Variants in DZANK1 observed in about 807,000 individuals in gnomAD.
The protein encoded by DZANK1 is double zinc ribbon and ankyrin repeat-containing protein 1.
A neutral mutation model predicts 94.5 loss-of-function variants in DZANK1; 91 were observed. The ratio of observed to expected loss-of-function variants is 0.96; its 90% confidence interval spans 0.81 to 1.15. DZANK1 has a LOEUF of 1.15. Among genes scored for constraint, DZANK1 ranks in the 50% most tolerant of loss-of-function variants. The pLI is 0.00. For synonymous variants in DZANK1, 312 were observed against 325.3 expected (o/e 0.96, Z 0.44); for missense variants, 903 against 916.4 (o/e 0.99, Z 0.19).
At chr20:18,454,677 A>G (rs1366423410) in intron 4 of DZANK1, 1 of 154,908 alleles carries the variant, frequency 6.5e-6, no homozygotes, top group Non-Finnish European at 1.4e-5. Context: ...GAGGACTTCT[A>G]CTTAATGCAT....
intron 7 of DZANK1, among the ~76,000 whole-genome samples, chr20:18,446,696 A>G (rs760229063): frequency 1.3e-5 from 2 of 152,214 alleles, no homozygotes; most frequent in Non-Finnish European, 2.9e-5. Flanking sequence ...ATCTTCCTGA[A>G]AAAAAATCTT....
intron 9 of DZANK1, among the ~76,000 whole-genome samples, chr20:18,427,670 G>T (rs1258595222): frequency 6.6e-6 from 1 of 151,858 alleles, no homozygotes; most frequent in Non-Finnish European, 1.5e-5. Flanking sequence ...ACACTGAGTA[G>T]ACGTTCCATT....
intron 3 of DZANK1, among the ~76,000 whole-genome samples, chr20:18,457,275 G>A (rs757559647): frequency 6.6e-6 from 1 of 152,136 alleles, no homozygotes; most frequent in Non-Finnish European, 1.5e-5. Flanking sequence ...AGGAGTTCAC[G>A]ACCAGCCTGG....
chr20:18,384,409 T>C (rs944837925), exon 21 of DZANK1: 1 of 1,610,828 alleles, frequency 6.2e-7, no homozygotes, highest in Non-Finnish European at 8.5e-7. Context: ...CTAACAGTCA[T>C]CCAGGCTGAG....
chr20:18,453,599 C>G, intron 5 of DZANK1, 132 bp downstream of exon 5: 2 of 655,842 alleles, frequency 3.0e-6, no homozygotes, highest in South Asian at 1.9e-5. Flanking sequence ...ATTCAAAGTA[C>G]AGCATACTTT....
At position 18,412,958 on chromosome 20, in the gene DZANK1, A is replaced by G. The variant is rs1047455424; in HGVS notation, c.1243-123T>C. ...TAATCAGAATAAAAAGTATCTCAAG[A>G]AAAGTGTACTTGGAACTAATAGGGT... On this transcript the variant is annotated intron_variant, in intron 12 of 20. Transcript: ENST00000262547. 11 of 1,093,444 alleles carry G rather than the reference A, an allele frequency of 1.0e-5. No individual in the cohort carries two copies. In the African/African-American group the frequency reaches 1.4e-4, roughly 14 times the overall value. 67.7% of individuals were successfully genotyped at this position (1,093,444 alleles called of 1,614,324 possible).
intron 3 of DZANK1, among the ~76,000 whole-genome samples, chr20:18,458,342 C>A (rs1166900680): frequency 3.9e-5 from 6 of 152,086 alleles, no homozygotes; most frequent in Non-Finnish European, 5.9e-5. Context: ...GGAAATTTAG[C>A]CACCTATGAG....
Position 18,443,465 on chromosome 20 carries a change from C to A in DZANK1, c.630-1G>T. ...CCGGGGGGCAAGGCAGTGGGCACAC[C>A]TACAACAAAACAGGTTCCCGATTGG... On this transcript the variant is annotated splice_acceptor_variant, in intron 7 of 20. Transcript: ENST00000262547. LOFTEE classifies it high-confidence loss of function. 6.9e-7 allele frequency: 1 copy of A among 1,443,000 alleles called. No homozygotes were observed. Among genetic ancestry groups the A allele is most frequent in the Non-Finnish European group, 9.1e-7 (1 of 1,095,724 alleles). The allele number at this position is 1,443,000 out of a possible 1,614,324, so 89.4% of individuals were successfully genotyped here. A position where few individuals can be genotyped will look rare whatever the true frequency, so the allele number is the denominator to read the frequency against.
At chr20:18,440,764 G>C (rs1397433794) in intron 8 of DZANK1, among the ~76,000 whole-genome samples, 1 of 152,116 alleles carries the variant, frequency 6.6e-6, no homozygotes, top group African/African-American at 2.4e-5. Context: ...ACATCCATTG[G>C]GCAGGAGGCA....
intron 12 of DZANK1, among the ~76,000 whole-genome samples, chr20:18,413,654 C>T (rs2057360570): frequency 1.3e-5 from 2 of 152,050 alleles, no homozygotes; most frequent in South Asian, 4.2e-4. Flanking sequence ...GTGGCACGGG[C>T]CTGTAATCCT....
intron 7 of DZANK1, among the ~76,000 whole-genome samples, chr20:18,447,202 G>A (rs532040973): frequency 9.4e-4 from 143 of 152,324 alleles, no homozygotes; most frequent in Non-Finnish European, 1.6e-3. Flanking sequence ...TTGGCTGGGT[G>A]TGGTGGCTCA....
intron 20 of DZANK1, 101 bp downstream of exon 20, chr20:18,384,915 G>A (rs1305375228): frequency 1.2e-5 from 14 of 1,157,260 alleles, no homozygotes; most frequent in Non-Finnish European, 1.6e-5. Context: ...CATGGACAGG[G>A]ACAGCAGTTC....
At chr20:18,416,310 G>A (rs2148467396) in intron 10 of DZANK1, among the ~76,000 whole-genome samples, 1 of 152,330 alleles carries the variant, frequency 6.6e-6, no homozygotes, top group South Asian at 2.1e-4. Flanking sequence ...CCACAGTTAA[G>A]TGGATAGGAA....
intron 13 of DZANK1, among the ~76,000 whole-genome samples, chr20:18,410,570 CAAT>C (rs1399045488): frequency 2.0e-5 from 3 of 151,616 alleles, no homozygotes; most frequent in African/African-American, 7.3e-5. Flanking sequence ...CCAACTTTAT[CAAT>C]AATAACATTA....
At chr20:18,391,909 G>T (rs895718958) in intron 17 of DZANK1, among the ~76,000 whole-genome samples, 1 of 152,210 alleles carries the variant, frequency 6.6e-6, no homozygotes, top group Non-Finnish European at 1.5e-5. Context: ...CAGGGGTCTT[G>T]GGGAGCACTT....
intron 8 of DZANK1, 35 bp downstream of exon 8, chr20:18,443,312 C>T: frequency 7.5e-7 from 1 of 1,335,044 alleles, no homozygotes; most frequent in Non-Finnish European, 1.1e-6. Context: ...TCAGATCAAC[C>T]AATGAAAGAT....
At chr20:18,414,106 C>T (rs2057379213) in intron 12 of DZANK1, among the ~76,000 whole-genome samples, 1 of 152,142 alleles carries the variant, frequency 6.6e-6, no homozygotes, top group Admixed American at 6.6e-5. Context: ...ATAAGAAATT[C>T]AAGAGAAGTG....
chr20:18,434,222 T>A (rs1329377720), intron 8 of DZANK1, among the ~76,000 whole-genome samples: 2 of 150,326 alleles, frequency 1.3e-5, no homozygotes, highest in African/African-American at 2.4e-5. Flanking sequence ...CATGATGGAA[T>A]GAGGAGGTCT....
At chr20:18,454,095 G>T in intron 4 of DZANK1, 1 of 519,626 alleles carries the variant, frequency 1.9e-6, no homozygotes, top group South Asian at 1.6e-5. Flanking sequence ...CAGGCAGGAT[G>T]TTACAACTGT....
Sources: allele counts gnomAD v4.1 joint callset (sites outside exome capture counted in the v4.1 genomes callset), GRCh38; gene constraint gnomAD v4.1.1; transcripts MANE v1.5; gene names NCBI Gene and HGNC (gene_info 2026-07-23, HGNC 2026-07-21).